The following RBPJ variants were observed in gnomAD, a reference collection of about 807,000 sequenced individuals.
The protein encoded by RBPJ is recombination signal binding protein for immunoglobulin kappa J region, also known as recombining binding protein suppressor of hairless.
RBPJ carries 9 observed loss-of-function variants against 67.8 expected under a neutral mutation model. The ratio of observed to expected loss-of-function variants is 0.13; its 90% CI spans 0.08 to 0.23. The LOEUF is 0.23. Among genes scored for constraint, RBPJ ranks in the 10% least tolerant of loss-of-function variants. The pLI is 1.00. For missense variants in RBPJ, 305 were observed against 595.6 expected, an observed-to-expected ratio of 0.51 and a Z score of 5.08; for synonymous variants, 198 against 203.3, an observed-to-expected ratio of 0.97 and a Z score of 0.22.
chr4:26,314,430 A>G (rs990622419), intron 1 of RBPJ, among the ~76,000 whole-genome samples: 1 of 152,126 alleles, frequency 6.6e-6, no homozygotes, highest in African/African-American at 2.4e-5. Flanking sequence ...TATGCTTTGG[A>G]TCTGTGTCTC....
chr4:26,331,736 G>A (rs1291464435), intron 1 of RBPJ, among the ~76,000 whole-genome samples: 2 of 152,224 alleles, frequency 1.3e-5, no homozygotes, highest in South Asian at 2.1e-4. Flanking sequence ...GCTCCTACTC[G>A]AGAACTGGCT....
chr4:26,349,451 CTTT>C (rs1726573397), intron 1 of RBPJ, among the ~76,000 whole-genome samples: 1 of 152,134 alleles, frequency 6.6e-6, no homozygotes, highest in Non-Finnish European at 1.5e-5. Flanking sequence ...AATATCACTT[CTTT>C]AATACTTTGC....
intron 1 of RBPJ, among the ~76,000 whole-genome samples, chr4:26,187,674 A>C (rs1055072266): frequency 1.3e-5 from 2 of 152,186 alleles, no homozygotes; most frequent in African/African-American, 4.8e-5. Flanking sequence ...AACAATTTCT[A>C]TCCTGTTTTT....
chr4:26,158,945 T>TCTCTCTCTCTCTCTC (rs1716025420), upstream of RBPJ, among the ~76,000 whole-genome samples: 3 of 136,732 alleles, frequency 2.2e-5, no homozygotes, highest in Non-Finnish European at 4.7e-5. Flanking sequence ...CTCTCTCTCT[T>TCTCTCTCTCTCTCTC]TCTCTCTCTC....
chr4:26,366,272 GTTTT>G (rs537123590), intron 1 of RBPJ, among the ~76,000 whole-genome samples: 1 of 150,054 alleles, frequency 6.7e-6, no homozygotes, highest in Non-Finnish European at 1.5e-5. Context: ...CAGATCAGTA[GTTTT>G]TTTTTGTTTT....
At chr4:26,165,595 A>G (rs759934949) in intron 1 of RBPJ, among the ~76,000 whole-genome samples, 1 of 152,294 alleles carries the variant, frequency 6.6e-6, no homozygotes, top group Non-Finnish European at 1.5e-5. Context: ...CTTTTCTTCT[A>G]TTGGACATCG....
the RBPJ span, among the ~76,000 whole-genome samples, chr4:26,115,598 A>G: frequency 1.3e-5 from 2 of 152,154 alleles, no homozygotes; most frequent in Non-Finnish European, 2.9e-5. Flanking sequence ...GTTAGCCAGG[A>G]TGGTCTCGAT....
intron 1 of RBPJ, among the ~76,000 whole-genome samples, chr4:26,352,966 G>A (rs1451681881): frequency 1.3e-5 from 2 of 152,170 alleles, no homozygotes; most frequent in South Asian, 2.1e-4. Flanking sequence ...CTTATGTACC[G>A]GTAGCTTTGT....
At chr4:26,330,905 G>A (rs1724174647) in intron 1 of RBPJ, among the ~76,000 whole-genome samples, 2 of 152,164 alleles carry the variant, frequency 1.3e-5, no homozygotes, top group African/African-American at 2.4e-5. Context: ...ACATAGAAAG[G>A]TAACTACATC....
intron 1 of RBPJ, among the ~76,000 whole-genome samples, chr4:26,218,972 C>G (rs1190109391): frequency 6.6e-6 from 1 of 152,220 alleles, no homozygotes; most frequent in Non-Finnish European, 1.5e-5. Flanking sequence ...CAGCCTGAGC[C>G]TCTTCAGGGC....
At chr4:26,403,431 G>GTTAC (rs1733059946) in intron 2 of RBPJ, among the ~76,000 whole-genome samples, 1 of 152,060 alleles carries the variant, frequency 6.6e-6, no homozygotes, top group Non-Finnish European at 1.5e-5. Context: ...GTGAAGGTTT[G>GTTAC]TTACATAGGT....
chr4:26,273,164 G>A (rs1488551404), intron 1 of RBPJ, among the ~76,000 whole-genome samples: 1 of 152,050 alleles, frequency 6.6e-6, no homozygotes, highest in East Asian at 1.9e-4. Context: ...TCCTCTCATT[G>A]CCTCAGCCTC....
At chr4:26,186,347 T>G (rs1020563461) in intron 1 of RBPJ, among the ~76,000 whole-genome samples, 1 of 152,158 alleles carries the variant, frequency 6.6e-6, no homozygotes. Context: ...CTCATAGGGT[T>G]TTTATGATGC....
At chr4:26,396,336 T>C (rs892197285) in intron 2 of RBPJ, among the ~76,000 whole-genome samples, 3 of 152,234 alleles carry the variant, frequency 2.0e-5, no homozygotes, top group Admixed American at 1.3e-4. Flanking sequence ...GTCACATGTT[T>C]ATAGGGCATC....
the RBPJ span, among the ~76,000 whole-genome samples, chr4:26,124,367 T>G: frequency 4.1e-5 from 6 of 145,586 alleles, no homozygotes; most frequent in African/African-American, 1.5e-4. Context: ...TCCAGGTCGC[T>G]GTGAATGCCA....
intron 1 of RBPJ, among the ~76,000 whole-genome samples, chr4:26,278,883 G>A (rs1721165139): frequency 6.6e-6 from 1 of 152,190 alleles, no homozygotes; most frequent in Non-Finnish European, 1.5e-5. Flanking sequence ...CAGGCATCAG[G>A]AAGTTTGGCT....
At chr4:26,279,366 C>T (rs537288082) in intron 1 of RBPJ, among the ~76,000 whole-genome samples, 4 of 152,096 alleles carry the variant, frequency 2.6e-5, no homozygotes, top group Non-Finnish European at 5.9e-5. Flanking sequence ...CTGCAACCTC[C>T]GCCTCCCAGG....
At chr4:26,193,405 G>A (rs1179365669) in intron 1 of RBPJ, among the ~76,000 whole-genome samples, 1 of 152,144 alleles carries the variant, frequency 6.6e-6, no homozygotes, top group African/African-American at 2.4e-5. Flanking sequence ...CCACAGAGAC[G>A]CGTTCTCATT....
the RBPJ span, among the ~76,000 whole-genome samples, chr4:26,111,030 A>T: frequency 1.3e-5 from 2 of 152,210 alleles, no homozygotes; most frequent in Admixed American, 6.5e-5. Flanking sequence ...CCAAGGTAGA[A>T]TCCCTCTTCC....
Sources: allele counts gnomAD v4.1 joint callset (sites outside exome capture counted in the v4.1 genomes callset), GRCh38; gene constraint gnomAD v4.1.1; transcripts MANE v1.5; gene names NCBI Gene and HGNC (gene_info 2026-07-23, HGNC 2026-07-21).